The following MAP1B variants were observed in gnomAD, a reference collection of about 807,000 sequenced individuals.
The protein encoded by MAP1B is microtubule associated protein 1B.
A neutral mutation model predicts 176.1 loss-of-function variants in MAP1B; 12 were observed. That is an observed-to-expected ratio of 0.07 (90% CI 0.04 to 0.11). The LOEUF (loss-of-function observed/expected upper bound fraction) is 0.11, where lower values mean the gene tolerates loss of function less well. Ranked by LOEUF, MAP1B falls within the 10% of genes least tolerant of loss-of-function variation. The pLI is 1.00. For synonymous variants in MAP1B, 1,044 were observed against 1,135.0 expected (o/e 0.92, Z 1.61); for missense variants, 2,523 against 2,990.5 (o/e 0.84, Z 3.65).
At chr5:72,112,484 A>G (rs1393754588) in intron 1 of MAP1B, among the ~76,000 whole-genome samples, 7 of 152,112 alleles carry the variant, frequency 4.6e-5, no homozygotes, top group African/African-American at 1.4e-4. Context: ...TTGTTCTTTA[A>G]TGACCCCTCC....
In MAP1B at chr5:72,198,158, C is replaced by A. The variant is rs1747229333; in HGVS notation, c.4803C>A (p.Phe1601Leu). ...CTGTTGTGCAAACACCTACCACATT[C>A]CAGGAAACAGAAATGTCTCCATCTA... ...SVSVVQTPTT[F>L]QETEMSPSKE... Residue 1601 changes from phenylalanine to leucine, a missense_variant, in exon 5 of 7, where the codon TTC (phenylalanine) becomes TTA (leucine). Transcript: ENST00000296755. 6.2e-7 allele frequency: 1 copy of A among 1,614,028 alleles called. No individual in the cohort carries two copies. Among genetic ancestry groups the A allele is most frequent in the African/African-American group, 1.3e-5 (1 of 74,924 alleles).
chr5:72,196,814 G>A lies in MAP1B; in HGVS notation c.3459G>A (p.Glu1153=), dbSNP rs994970600. Residue 1153 remains glutamate, a synonymous_variant, in exon 5 of 7, where the codon GAG becomes GAA. Coordinates refer to ENST00000296755, the MANE Select transcript of MAP1B (RefSeq NM_005909.5). This position sits in a 1 kb window ranked among gnomAD's most constrained non-coding sequence, Gnocchi z 5.3. ...ATGAGACCAACAATGAAGAGACGGAGTCCCCTTCTCAGGAATTCGTAAATA... is the reference window on the plus strand; with the variant it reads ...ATGAGACCAACAATGAAGAGACGGAATCCCCTTCTCAGGAATTCGTAAATA... ...MSDETNNEET[E]SPSQEFVNIT... The A allele has an allele frequency of 6.2e-7, 1 of 1,613,874 alleles. No homozygotes were observed. Among genetic ancestry groups the A allele is most frequent in the Non-Finnish European group, 8.5e-7 (1 of 1,179,908 alleles).
At chr5:72,115,905 A>G in intron 2 of MAP1B, 106 bp downstream of exon 2, 1 of 749,950 alleles carries the variant, frequency 1.3e-6, no homozygotes, top group East Asian at 2.6e-5. Flanking sequence ...TGCTAAAAGG[A>G]TACTTTGTAT....
At position 72,207,628 on chromosome 5, in the gene MAP1B, G is replaced by A. The variant is rs895790285; in HGVS notation, c.*2389G>A. 2.0e-5 allele frequency: 3 copies of A among 152,078 alleles called. No individual in the cohort carries two copies. The highest frequency in any genetic ancestry group is 2.1e-4 in the South Asian group (1 of 4,820). The allele number at this position is 152,078 out of a possible 1,614,324, so 9.4% of individuals were successfully genotyped here. ...CACATGATGGAAAAGTCATTGTGAC[G>A]CCAATGAATTTCATTGAGTATAAAC... On this transcript the variant is annotated 3_prime_UTR_variant, in exon 7 of 7. Transcript: ENST00000296755.
chr5:72,170,259 A>G (rs1297474932), intron 2 of MAP1B, among the ~76,000 whole-genome samples: 1 of 152,180 alleles, frequency 6.6e-6, no homozygotes, highest in Non-Finnish European at 1.5e-5. Flanking sequence ...CCGTCAAAGT[A>G]TGATTCTCCA....
Position 72,194,755 on chromosome 5 carries a change from C to T in MAP1B, c.1400C>T (p.Thr467Ile). Residue 467 changes from threonine (T) to isoleucine (I), a missense_variant, in exon 5 of 7, where the codon ACT becomes ATT. Thr to Ile is a moderately conservative substitution (Grantham distance 89). Around this residue, in one of 4 missense-constraint regions of MAP1B, gnomAD observed 1,925 missense variants for 2,126.0 expected, o/e 0.91. Coordinates refer to ENST00000296755, the MANE Select transcript of MAP1B (RefSeq NM_005909.5). The surrounding 1 kb of genome is among the most constrained non-coding windows in gnomAD (Gnocchi z 7.2). The part of the protein sequence containing the change: ...QEVDLPISYL[T>I]SVSSLIVWHP... ...GTAGATCTCCCGATTTCCTACTTAACTTCAGTCTCATCTTTGATTGTGTGG... is the reference window on the plus strand; with the variant it reads ...GTAGATCTCCCGATTTCCTACTTAATTTCAGTCTCATCTTTGATTGTGTGG... 1.2e-6 allele frequency: 2 copies of T among 1,614,188 alleles called. No homozygotes were observed. The highest frequency in any genetic ancestry group is 3.3e-5 in the Admixed American group (2 of 60,022).
chr5:72,183,475 G>T (rs1381183934), intron 2 of MAP1B, among the ~76,000 whole-genome samples: 1 of 152,234 alleles, frequency 6.6e-6, no homozygotes, highest in South Asian at 2.1e-4. Flanking sequence ...ACCGCAAGGA[G>T]GCTGCCTAGA....
rs1293914371 is a variant in MAP1B at position 72,197,107 on chromosome 5, T to A, written c.3752T>A (p.Val1251Asp). Reference protein sequence around the residue: ...DSISAVSSEKVSPSKSPSLSP... With the variant: ...DSISAVSSEKDSPSKSPSLSP... ...ATCTCAGCTGTTTCAAGTGAAAAGG[T>A]CAGCCCATCGAAGAGCCCGTCCCTG... The change falls in exon 5 of 7, where the codon GTC (valine) becomes GAC (aspartate). Residue 1251 changes from valine (V) to aspartate (D), a missense_variant. Physicochemically the swap from Val to Asp is radical, Grantham distance 152. Transcript: ENST00000296755. The A allele has an allele frequency of 2.5e-6, 4 of 1,614,178 alleles. No individual in the cohort carries two copies. The Admixed American group carries it at 6.7e-5, about 27-fold the overall frequency.
At chr5:72,166,438 C>T (rs1193213609) in intron 2 of MAP1B, among the ~76,000 whole-genome samples, 1 of 152,108 alleles carries the variant, frequency 6.6e-6, no homozygotes, top group East Asian at 1.9e-4. Flanking sequence ...GTAAATTTGG[C>T]CTCCAAAATA....
rs747868235 is a variant in MAP1B at position 72,200,299 on chromosome 5, A to T, written c.6944A>T (p.Glu2315Val). The change falls in exon 5 of 7, where the codon GAG becomes GTG. Residue 2315 changes from glutamate (E) to valine (V), a missense_variant. By Grantham distance (121) the Glu-to-Val change is moderately radical. This residue lies in a region of MAP1B where 287 missense variants were observed against 401.5 expected (regional missense o/e 0.71). Coordinates refer to ENST00000296755, the MANE Select transcript of MAP1B (RefSeq NM_005909.5). ...TPEVKAARGEEKDKETKNAAN... is the reference protein window; with the variant it reads ...TPEVKAARGEVKDKETKNAAN... ...GAGGTCAAAGCTGCACGTGGGGAAG[A>T]GAAAGACAAGGAGACCAAGAATGCT... The T allele has an allele frequency of 4.3e-6, 7 of 1,614,258 alleles. No homozygotes were observed. Among genetic ancestry groups the T allele is most frequent in the Non-Finnish European group, 5.9e-6 (7 of 1,180,044 alleles).
intron 2 of MAP1B, among the ~76,000 whole-genome samples, chr5:72,155,326 G>A (rs867330170): frequency 7.9e-5 from 12 of 152,182 alleles, no homozygotes; most frequent in African/African-American, 2.7e-4. Flanking sequence ...GGAGCCATTG[G>A]TGGTTCCTGA....
Position 72,195,599 on chromosome 5 carries a change from A to C in MAP1B, c.2244A>C (p.Glu748Asp). 1 of 1,614,234 alleles carries C rather than the reference A, an allele frequency of 6.2e-7. No individual in the cohort carries two copies. Among genetic ancestry groups the C allele is most frequent in the East Asian group, 2.2e-5 (1 of 44,878 alleles). Residue 748 changes from glutamate (E) to aspartate (D), a missense_variant, in exon 5 of 7, where the codon GAA (glutamate) becomes GAC (aspartate). By Grantham distance (45) the Glu-to-Asp change is conservative. Coordinates refer to ENST00000296755, the MANE Select transcript of MAP1B (RefSeq NM_005909.5). ...AGAAATCATCTACTCCTCTGTCTGA[A>C]GCAAAAAAACCAGCTGCTTTAAAAC... ...DAKKSSTPLSEAKKPAALKPK... is the reference protein window; with the variant it reads ...DAKKSSTPLSDAKKPAALKPK...
intron 2 of MAP1B, among the ~76,000 whole-genome samples, chr5:72,155,237 A>G (rs1020188963): frequency 1.3e-5 from 2 of 152,236 alleles, no homozygotes; most frequent in Non-Finnish European, 2.9e-5. Flanking sequence ...CCCCCAGAGT[A>G]CTGTATAGCA....
rs768923611 is a variant in MAP1B, at chr5:72,198,380, C to A, written c.5025C>A (p.Gly1675=). Residue 1675 remains glycine (G), a synonymous_variant, in exon 5 of 7, where the codon GGC becomes GGA. Coordinates refer to ENST00000296755, the MANE Select transcript of MAP1B (RefSeq NM_005909.5). Reference sequence around the variant, plus strand: ...CAGATCACCCTACAGTGGGTGCAGGCGTGCTTCACATCACTGAAAATGGGC... The same window carrying A: ...CAGATCACCCTACAGTGGGTGCAGGAGTGCTTCACATCACTGAAAATGGGC... ...QSPDHPTVGA[G]VLHITENGPT... 6.2e-7 allele frequency: 1 copy of A among 1,614,090 alleles called. No individual in the cohort carries two copies.
At chr5:72,157,628 C>A (rs1181012765) in intron 2 of MAP1B, among the ~76,000 whole-genome samples, 1 of 152,092 alleles carries the variant, frequency 6.6e-6, no homozygotes, top group African/African-American at 2.4e-5. Flanking sequence ...GCAGCAGAAT[C>A]TAAAAGGAAT....
intron 1 of MAP1B, among the ~76,000 whole-genome samples, chr5:72,113,094 A>G (rs1745373116): frequency 6.6e-6 from 1 of 152,238 alleles, no homozygotes; most frequent in South Asian, 2.1e-4. Context: ...ACTAAATGCA[A>G]TATGAACCTT....
intron 2 of MAP1B, among the ~76,000 whole-genome samples, chr5:72,152,354 C>G (rs771463289): frequency 7.9e-5 from 12 of 152,224 alleles, no homozygotes; most frequent in Non-Finnish European, 1.6e-4. Context: ...GTTCACTCCC[C>G]TTCCTACCCT....
chr5:72,190,675 T>G (rs6884523), intron 4 of MAP1B, among the ~76,000 whole-genome samples: 236 of 152,364 alleles, frequency 1.5e-3, no homozygotes, highest in African/African-American at 5.1e-3. Flanking sequence ...AAAATGAGAC[T>G]TGAGGCAGCC....
Position 72,197,540 on chromosome 5 carries a change from G to A in MAP1B, c.4185G>A (p.Leu1395=). Residue 1395 remains leucine (L), a synonymous_variant, in exon 5 of 7, where the codon TTG becomes TTA. Transcript: ENST00000296755. The part of the protein sequence containing the change: ...PDSESPIEKV[L]SPLRSPPLIG... ...CAGAGTCTCCTATTGAAAAAGTTTT[G>A]TCTCCTTTACGCAGCCCGCCCCTCA... is the stretch of plus-strand genomic sequence containing the variant. 6.2e-7 allele frequency: 1 copy of A among 1,614,116 alleles called. No homozygotes were observed. The highest frequency in any genetic ancestry group is 8.5e-7 in the Non-Finnish European group (1 of 1,180,014).
Sources: gnomAD v4.1 joint callset for allele counts (sites outside exome capture counted in the v4.1 genomes callset) on GRCh38, gnomAD v4.1.1 for gene constraint, gnomAD v4.1.1 regional missense constraint, Gnocchi (gnomAD v3.1) non-coding constraint, MANE v1.5 for transcripts, NCBI Gene and HGNC (gene_info 2026-07-23, HGNC 2026-07-21) for gene names.